NXPH1: variants seen among roughly 807,000 people sequenced by gnomAD.
NXPH1 encodes the protein neurexophilin 1.
NXPH1 carries 5 observed loss-of-function variants against 23.7 expected under a neutral mutation model. The observed-to-expected ratio is 0.21, with a 90% CI of 0.11 to 0.44. The LOEUF (loss-of-function observed/expected upper bound fraction) is 0.44, where lower values mean the gene tolerates loss of function less well. Ranked by LOEUF, NXPH1 falls within the 20% of genes least tolerant of loss-of-function variation. The pLI is 0.99. For missense variants in NXPH1, 324 were observed against 321.6 expected (o/e 1.01, Z -0.06); for synonymous variants, 144 against 122.2 (o/e 1.18, Z -1.18).
intron 2 of NXPH1, among the ~76,000 whole-genome samples, chr7:8,533,224 A>C (rs1413050288): frequency 1.3e-5 from 2 of 152,052 alleles, no homozygotes; most frequent in Admixed American, 6.6e-5. Context: ...GCTATAGATC[A>C]CCTATCTTTT....
At chr7:8,733,597 A>C (rs1416847049) in intron 2 of NXPH1, among the ~76,000 whole-genome samples, 2 of 151,958 alleles carry the variant, frequency 1.3e-5, no homozygotes, top group African/African-American at 4.8e-5. Flanking sequence ...ATAGTATCTC[A>C]TTGTGGTTTT....
chr7:8,472,224 T>C (rs1816882293), intron 2 of NXPH1, among the ~76,000 whole-genome samples: 1 of 152,162 alleles, frequency 6.6e-6, no homozygotes, highest in Non-Finnish European at 1.5e-5. Context: ...TCTGCTTCTG[T>C]TTGACTTTGT....
chr7:8,550,626 T>C (rs1299445040), intron 2 of NXPH1, among the ~76,000 whole-genome samples: 2 of 151,568 alleles, frequency 1.3e-5, no homozygotes, highest in South Asian at 4.1e-4. Flanking sequence ...TAACCCATAA[T>C]ACCAACTCAG....
intron 2 of NXPH1, among the ~76,000 whole-genome samples, chr7:8,714,994 C>T (rs770445088): frequency 2.4e-4 from 36 of 152,046 alleles, no homozygotes; most frequent in Non-Finnish European, 4.0e-4. Flanking sequence ...TGGCTCTGAG[C>T]CCAGCACAGC....
chr7:8,503,991 T>C (rs1346410624), intron 2 of NXPH1, among the ~76,000 whole-genome samples: 1 of 152,040 alleles, frequency 6.6e-6, no homozygotes, highest in African/African-American at 2.4e-5. Flanking sequence ...TCCTGTCTTC[T>C]ACTAGTGCCT....
chr7:8,558,934 A>G lies in NXPH1; in HGVS notation c.54+123167A>G, dbSNP rs143126653. Among the ~76,000 whole-genome samples the G allele has an allele frequency of 4.9e-3, 750 of 151,796 alleles. 6 individuals are homozygous for G. Among genetic ancestry groups the G allele is most frequent in the African/African-American group, 0.017 (715 of 41,456 alleles). The stretch of plus-strand genomic sequence containing the variant: ...ACTGCAGGAAAAAATTAAAAACAAT[A>G]GAATATTGATTACATCCTAATATTG... On this transcript the variant is annotated intron_variant, in intron 2 of 2. Coordinates refer to ENST00000405863, the MANE Select transcript of NXPH1 (RefSeq NM_152745.3).
At chr7:8,603,613 C>T (rs1215570983) in intron 2 of NXPH1, among the ~76,000 whole-genome samples, 1 of 152,024 alleles carries the variant, frequency 6.6e-6, no homozygotes, top group Non-Finnish European at 1.5e-5. Context: ...CAGCTTTTAC[C>T]TATTAGAATT....
intron 2 of NXPH1, among the ~76,000 whole-genome samples, chr7:8,473,530 G>C (rs1563320690): frequency 6.6e-6 from 1 of 152,052 alleles, no homozygotes; most frequent in Non-Finnish European, 1.5e-5. Context: ...TCTCTTATTG[G>C]AGGTTTTCCA....
At chr7:8,465,686 C>T (rs1816776494) in intron 2 of NXPH1, among the ~76,000 whole-genome samples, 1 of 152,202 alleles carries the variant, frequency 6.6e-6, no homozygotes, top group African/African-American at 2.4e-5. Context: ...GTGGCACTTA[C>T]ACTTAGAAAT....
chr7:8,509,374 G>A (rs1288378884), intron 2 of NXPH1, among the ~76,000 whole-genome samples: 5 of 152,094 alleles, frequency 3.3e-5, no homozygotes, highest in African/African-American at 9.7e-5. Flanking sequence ...CTTTGGAAGA[G>A]CACGTTTATT....
At chr7:8,636,109 G>T (rs112020939) in intron 2 of NXPH1, among the ~76,000 whole-genome samples, 16 of 152,044 alleles carry the variant, frequency 1.1e-4, no homozygotes, top group African/African-American at 3.4e-4. Context: ...ATCGTTTTCC[G>T]CCTAATTGTG....
chr7:8,552,729 A>G (rs1213357959), intron 2 of NXPH1, among the ~76,000 whole-genome samples: 1 of 151,572 alleles, frequency 6.6e-6, no homozygotes, highest in Non-Finnish European at 1.5e-5. Flanking sequence ...TCATGTTTGC[A>G]TGATTACTGC....
chr7:8,483,763 C>T (rs956369802), intron 2 of NXPH1, among the ~76,000 whole-genome samples: 1 of 152,048 alleles, frequency 6.6e-6, no homozygotes, highest in Non-Finnish European at 1.5e-5. Context: ...CTTGGGATCC[C>T]CTGAAAATTT....
intron 2 of NXPH1, among the ~76,000 whole-genome samples, chr7:8,482,827 T>G (rs1429676104): frequency 2.0e-5 from 3 of 152,188 alleles, no homozygotes; most frequent in African/African-American, 7.2e-5. Context: ...ATCCCAGCAT[T>G]GTGATGGATG....
chr7:8,614,530 T>C (rs1186045078), intron 2 of NXPH1, among the ~76,000 whole-genome samples: 1 of 151,898 alleles, frequency 6.6e-6, no homozygotes, highest in East Asian at 1.9e-4. Context: ...CGTTTAGAAA[T>C]AGACATACAT....
chr7:8,736,012 G>C (rs186227499), intron 2 of NXPH1, among the ~76,000 whole-genome samples: 56 of 152,018 alleles, frequency 3.7e-4, no homozygotes, highest in African/African-American at 1.3e-3. Context: ...GTGCCTATTC[G>C]ATTCTTCTCT....
At chr7:8,669,526 A>T (rs536032968) in intron 2 of NXPH1, among the ~76,000 whole-genome samples, 1 of 152,250 alleles carries the variant, frequency 6.6e-6, no homozygotes, top group South Asian at 2.1e-4. Flanking sequence ...TGAGGGTATT[A>T]GCCTGAATTC....
At chr7:8,552,328 G>A (rs1345286421) in intron 2 of NXPH1, among the ~76,000 whole-genome samples, 2 of 151,248 alleles carry the variant, frequency 1.3e-5, no homozygotes, top group Non-Finnish European at 3.0e-5. Context: ...ATACTCAGAG[G>A]TTTCTATGTA....
intron 2 of NXPH1, among the ~76,000 whole-genome samples, chr7:8,554,398 G>A (rs183081226): frequency 5.9e-5 from 9 of 151,672 alleles, no homozygotes; most frequent in East Asian, 5.9e-4. Context: ...AGAATGAGCC[G>A]GTCGGTGCTC....
Sources: allele counts gnomAD v4.1 joint callset (sites outside exome capture counted in the v4.1 genomes callset), GRCh38; gene constraint gnomAD v4.1.1; transcripts MANE v1.5; gene names NCBI Gene and HGNC (gene_info 2026-07-23, HGNC 2026-07-21).